The following BTNL8 variants were observed in gnomAD, a reference collection of about 807,000 sequenced individuals.
BTNL8 encodes butyrophilin like 8.
Under a neutral mutation model 36.1 loss-of-function variants are expected in BTNL8, and 22 were observed. The observed-to-expected ratio is 0.61, with a 90% CI of 0.44 to 0.87. The LOEUF is 0.87. BTNL8 is among the 40% of genes least tolerant of loss of function. The pLI is 0.00. For synonymous variants in BTNL8, 203 were observed against 235.6 expected (o/e 0.86, Z 1.27); for missense variants, 526 against 616.9 (o/e 0.85, Z 1.56).
At chr5:180,940,934 C>A (rs962654828) in intron 3 of BTNL8, among the ~76,000 whole-genome samples, 13 of 151,922 alleles carry the variant, frequency 8.6e-5, no homozygotes, top group Middle Eastern at 3.4e-3. Flanking sequence ...ACAAAAAAAA[C>A]CCATAAAAAT....
chr5:180,945,009 A>T (rs1486506655), intron 3 of BTNL8, among the ~76,000 whole-genome samples: 1 of 152,228 alleles, frequency 6.6e-6, no homozygotes, highest in Admixed American at 6.5e-5. Flanking sequence ...GATCTCAAAT[A>T]GCCAAAGCAA....
intron 3 of BTNL8, among the ~76,000 whole-genome samples, chr5:180,944,604 T>G (rs1289479928): frequency 2.0e-5 from 3 of 152,176 alleles, no homozygotes; most frequent in African/African-American, 7.2e-5. Flanking sequence ...AGTCTTCTAT[T>G]GCACAGTAGG....
chr5:180,903,332 G>C (rs1157361687), intron 1 of BTNL8, among the ~76,000 whole-genome samples: 1 of 110,886 alleles, frequency 9.0e-6, no homozygotes, highest in East Asian at 2.5e-4. Context: ...CTTTTGAGAA[G>C]TGTCTGTTCA....
chr5:180,908,159 C>T (rs936815762), intron 1 of BTNL8, among the ~76,000 whole-genome samples: 7 of 152,200 alleles, frequency 4.6e-5, no homozygotes, highest in Non-Finnish European at 5.9e-5. Flanking sequence ...TAGCAATCAG[C>T]GAGACTCTGT....
intron 3 of BTNL8, among the ~76,000 whole-genome samples, chr5:180,930,964 T>A (rs1758346573): frequency 6.6e-6 from 1 of 152,146 alleles, no homozygotes; most frequent in African/African-American, 2.4e-5. Flanking sequence ...AAAACTACTT[T>A]AAAGTTCATA....
intron 1 of BTNL8, among the ~76,000 whole-genome samples, chr5:180,907,035 C>T (rs1362212075): frequency 9.9e-6 from 1 of 100,836 alleles, no homozygotes; most frequent in Non-Finnish European, 1.9e-5. Flanking sequence ...ATCTTTGTGG[C>T]GTTCTCTGTA....
intron 3 of BTNL8, among the ~76,000 whole-genome samples, chr5:180,939,476 G>T (rs1178058480): frequency 6.6e-6 from 1 of 152,106 alleles, no homozygotes; most frequent in East Asian, 1.9e-4. Flanking sequence ...ATTATTTAAT[G>T]ATAAAGGGGT....
chr5:180,941,665 T>C (rs1199131996), intron 3 of BTNL8, among the ~76,000 whole-genome samples: 1 of 152,114 alleles, frequency 6.6e-6, no homozygotes, highest in Non-Finnish European at 1.5e-5. Context: ...ATAAATTTGA[T>C]ATATCACATC....
Position 180,950,445 on chromosome 5 carries a change from A to T in BTNL8, c.1404A>T (p.Lys468Asn). 5 of 1,464,058 alleles carry T rather than the reference A, an allele frequency of 3.4e-6. 2 individuals carry two copies. The highest frequency in any genetic ancestry group is 4.7e-6 in the Non-Finnish European group (5 of 1,059,184). The allele number at this position is 1,464,058 out of a possible 1,614,324, so 90.7% of individuals were successfully genotyped here. ...VICPVTQESE[K>N]EASWQRASAI... is the part of the protein sequence containing the mutation. Reference sequence around the variant, plus strand: ...GCCCAGTCACCCAGGAATCAGAGAAAGAGGCCTCTTGGCAAAGGGCCTCTG... The same window carrying T: ...GCCCAGTCACCCAGGAATCAGAGAATGAGGCCTCTTGGCAAAGGGCCTCTG... Residue 468 changes from lysine (K) to asparagine (N), a missense_variant, in exon 8 of 8, where the codon AAA becomes AAT. Physicochemically the swap from Lys to Asn is moderately conservative, Grantham distance 94. Coordinates refer to ENST00000340184, the MANE Select transcript of BTNL8 (RefSeq NM_001040462.3).
intron 2 of BTNL8, among the ~76,000 whole-genome samples, chr5:180,910,897 A>C (rs1486092100): frequency 6.6e-6 from 1 of 152,092 alleles, no homozygotes; most frequent in East Asian, 1.9e-4. Flanking sequence ...CTGCCCCTCA[A>C]CTGGAATTCC....
rs10479587 is a variant in BTNL8 at position 180,905,441 on chromosome 5, C to G, written c.50-3145C>G. On this transcript the variant is annotated intron_variant, in intron 1 of 7. Coordinates refer to ENST00000340184, the MANE Select transcript of BTNL8 (RefSeq NM_001040462.3). ...TTTTTTTCTTTATTAGTCTTGCTAG[C>G]GGTCTATCAATTTTGTTGATCCTTT... is the stretch of plus-strand genomic sequence containing the variant. 2.8e-4 allele frequency among the ~76,000 whole-genome samples: 24 copies of G among 84,586 alleles called. 2 individuals carry two copies. The highest frequency in any genetic ancestry group is 1.7e-3 in the African/African-American group (24 of 13,782). The allele number at this position is 84,586 out of a possible 152,430, so 55.5% of individuals were successfully genotyped here.
At chr5:180,905,777 G>T (rs1191536324) in intron 1 of BTNL8, among the ~76,000 whole-genome samples, 5 of 149,044 alleles carry the variant, frequency 3.4e-5, no homozygotes, top group Non-Finnish European at 5.9e-5. Context: ...CCTTCATTTC[G>T]TTATGTACCC....
intron 3 of BTNL8, among the ~76,000 whole-genome samples, chr5:180,928,921 C>T (rs774117940): frequency 8.5e-5 from 13 of 152,188 alleles, no homozygotes; most frequent in Non-Finnish European, 1.6e-4. Context: ...AGAAAATTAA[C>T]AAGGATATTC....
chr5:180,947,237 A>T (rs1759301734), intron 3 of BTNL8, among the ~76,000 whole-genome samples: 1 of 152,214 alleles, frequency 6.6e-6, no homozygotes, highest in African/African-American at 2.4e-5. Context: ...ACCTAAACAG[A>T]AAGCTTATTG....
chr5:180,927,781 G>GA (rs1195900563), intron 3 of BTNL8, among the ~76,000 whole-genome samples: 4 of 151,942 alleles, frequency 2.6e-5, no homozygotes, highest in Non-Finnish European at 5.9e-5. Flanking sequence ...CAAGATTAGA[G>GA]AAAAAAAGAA....
At chr5:180,932,902 A>G (rs1758466277) in intron 3 of BTNL8, among the ~76,000 whole-genome samples, 1 of 152,178 alleles carries the variant, frequency 6.6e-6, no homozygotes, top group Non-Finnish European at 1.5e-5. Flanking sequence ...TATTTTTAAA[A>G]TCAACCATAT....
At chr5:180,905,315 G>C (rs1757028957) in intron 1 of BTNL8, among the ~76,000 whole-genome samples, 3 of 149,374 alleles carry the variant, frequency 2.0e-5, no homozygotes, top group South Asian at 4.2e-4. Flanking sequence ...TATTTGCATA[G>C]AGGTGTTTGT....
intron 3 of BTNL8, among the ~76,000 whole-genome samples, chr5:180,923,097 T>C (rs948077288): frequency 1.3e-5 from 2 of 152,208 alleles, no homozygotes; most frequent in Admixed American, 1.3e-4. Context: ...GTGAGATTAG[T>C]CTCTTGAAGA....
At chr5:180,903,901 A>G (rs1466401593) in intron 1 of BTNL8, among the ~76,000 whole-genome samples, 11 of 119,868 alleles carry the variant, frequency 9.2e-5, no homozygotes, top group African/African-American at 1.8e-4. Flanking sequence ...TTTTGGTACC[A>G]GTACCATGCT....
Sources: allele counts gnomAD v4.1 joint callset (sites outside exome capture counted in the v4.1 genomes callset), GRCh38; gene constraint gnomAD v4.1.1; transcripts MANE v1.5; gene names NCBI Gene and HGNC (gene_info 2026-07-23, HGNC 2026-07-21).